CNTNAP4: variants seen among roughly 807,000 people sequenced by gnomAD.
CNTNAP4 encodes the protein contactin associated protein family member 4, also known as contactin-associated protein-like 4.
CNTNAP4 carries 98 observed loss-of-function variants against 148.4 expected under a neutral mutation model. That is an observed-to-expected ratio of 0.66 (90% CI 0.56 to 0.78). CNTNAP4 has a LOEUF of 0.78. Ranked by LOEUF, CNTNAP4 falls within the 30% of genes least tolerant of loss-of-function variation. CNTNAP4 has a pLI of 0.00. For missense variants in CNTNAP4, 1,935 were observed against 1,565.6 expected (o/e 1.24, Z -3.98); for synonymous variants, 730 against 565.1 (o/e 1.29, Z -4.14).
chr16:76,435,547 A>G (rs1239657741), intron 4 of CNTNAP4, among the ~76,000 whole-genome samples: 1 of 152,104 alleles, frequency 6.6e-6, no homozygotes, highest in Non-Finnish European at 1.5e-5. Flanking sequence ...GGGAAGAGCA[A>G]TTGTAGGGCT....
At chr16:76,350,387 T>A (rs141591847) in intron 2 of CNTNAP4, among the ~76,000 whole-genome samples, 219 of 152,332 alleles carry the variant, frequency 1.4e-3, no homozygotes, top group African/African-American at 4.9e-3. Flanking sequence ...TTCATCTCAC[T>A]AGATAATTTT....
chr16:76,443,872 G>C (rs1488498543), intron 4 of CNTNAP4, among the ~76,000 whole-genome samples: 1 of 152,112 alleles, frequency 6.6e-6, no homozygotes, highest in African/African-American at 2.4e-5. Flanking sequence ...TTGTGGAATA[G>C]TGAAAATAAA....
At chr16:76,489,621 T>C in intron 12 of CNTNAP4, 65 bp from the exon 13 acceptor site, 1 of 889,892 alleles carries the variant, frequency 1.1e-6, no homozygotes, top group South Asian at 3.5e-5. Flanking sequence ...ATTTTCTTTA[T>C]TTATTTTAAC....
At chr16:76,430,393 A>G (rs1180792149) in intron 4 of CNTNAP4, among the ~76,000 whole-genome samples, 2 of 152,168 alleles carry the variant, frequency 1.3e-5, no homozygotes, top group Non-Finnish European at 2.9e-5. Context: ...CCCTGCCCTC[A>G]GAAGGAAGGG....
intron 2 of CNTNAP4, among the ~76,000 whole-genome samples, chr16:76,338,801 T>G (rs1964229726): frequency 1.3e-5 from 2 of 152,174 alleles, no homozygotes; most frequent in African/African-American, 2.4e-5. Flanking sequence ...CTCAGTCTCT[T>G]CATGTTTAAG....
At chr16:76,427,185 A>G (rs1462486438) in intron 3 of CNTNAP4, among the ~76,000 whole-genome samples, 2 of 152,168 alleles carry the variant, frequency 1.3e-5, no homozygotes, top group Non-Finnish European at 2.9e-5. Context: ...TTACAGAAGC[A>G]ATTTTTGTTA....
intron 15 of CNTNAP4, among the ~76,000 whole-genome samples, chr16:76,503,682 C>T (rs1200154009): frequency 6.6e-6 from 1 of 151,858 alleles, no homozygotes; most frequent in Admixed American, 6.6e-5. Flanking sequence ...TCCCCCTTCC[C>T]CCCACCCCAC....
chr16:76,489,393 A>G (rs982601245), intron 12 of CNTNAP4, among the ~76,000 whole-genome samples: 2 of 152,200 alleles, frequency 1.3e-5, no homozygotes, highest in African/African-American at 4.8e-5. Flanking sequence ...TCACAAAAAT[A>G]ATCAGATTTC....
At chr16:76,360,567 A>C (rs879820167) in intron 3 of CNTNAP4, among the ~76,000 whole-genome samples, 3 of 152,216 alleles carry the variant, frequency 2.0e-5, no homozygotes, top group Non-Finnish European at 4.4e-5. Flanking sequence ...ACTAACGCCA[A>C]GTGTGTGAAC....
rs562277788 is a variant in CNTNAP4 at position 76,296,317 on chromosome 16, C to T, written c.85+18570C>T. Among the ~76,000 whole-genome samples, 3 of 152,214 alleles carry T rather than the reference C, an allele frequency of 2.0e-5. No individual in the cohort carries two copies. In the East Asian group the frequency reaches 5.8e-4, roughly 29 times the overall value. On this transcript the variant is annotated intron_variant, in intron 1 of 23. Transcript: ENST00000611870. Reference sequence around the variant, plus strand: ...TCCTGCCTTCCATTCAAATACCTACCTCCACCCCACCCATTTGACTTAAAT... The same window carrying T: ...TCCTGCCTTCCATTCAAATACCTACTTCCACCCCACCCATTTGACTTAAAT...
intron 3 of CNTNAP4, among the ~76,000 whole-genome samples, chr16:76,412,505 A>G (rs952469472): frequency 1.3e-5 from 2 of 151,410 alleles, no homozygotes; most frequent in African/African-American, 4.8e-5. Flanking sequence ...CACATTCTTG[A>G]AAACACTTGG....
chr16:76,460,459 C>A (rs1215598463), intron 8 of CNTNAP4, among the ~76,000 whole-genome samples: 1 of 150,610 alleles, frequency 6.6e-6, no homozygotes, highest in Non-Finnish European at 1.5e-5. Flanking sequence ...CCTTCCCATA[C>A]TTACATAAGA....
chr16:76,536,270 A>C (rs1330434811), intron 18 of CNTNAP4, among the ~76,000 whole-genome samples: 2 of 151,960 alleles, frequency 1.3e-5, no homozygotes, highest in Admixed American at 1.3e-4. Flanking sequence ...ATCTCGGCTC[A>C]CTGCAACCTC....
chr16:76,461,303 G>A (rs765878031), intron 8 of CNTNAP4, among the ~76,000 whole-genome samples: 10 of 152,122 alleles, frequency 6.6e-5, no homozygotes, highest in African/African-American at 1.2e-4. Flanking sequence ...GGACAGGGCC[G>A]CTTAAGGTCT....
chr16:76,316,123 A>G, intron 1 of CNTNAP4: 1 of 457,114 alleles, frequency 2.2e-6, no homozygotes, highest in Non-Finnish European at 3.8e-6. Flanking sequence ...ATACAGTTAA[A>G]TTTGTGAATC....
At chr16:76,542,212 T>G (rs937859847) in intron 21 of CNTNAP4, among the ~76,000 whole-genome samples, 9 of 152,186 alleles carry the variant, frequency 5.9e-5, no homozygotes, top group African/African-American at 2.2e-4. Context: ...TTATTTCATA[T>G]TTAGTATTGG....
intron 1 of CNTNAP4, among the ~76,000 whole-genome samples, chr16:76,279,698 T>C (rs926614630): frequency 2.0e-5 from 3 of 152,236 alleles, no homozygotes; most frequent in African/African-American, 7.2e-5. Flanking sequence ...TGGAGTTGAC[T>C]GTTCTTCAAG....
rs1301285370 is a variant in CNTNAP4 at position 76,467,533 on chromosome 16, A to G, written c.1655+10A>G. 6.3e-7 allele frequency: 1 copy of G among 1,576,032 alleles called. No individual in the cohort carries two copies. The highest frequency in any genetic ancestry group is 1.9e-5 in the Admixed American group (1 of 51,722). ...GTGGCATCTCAGACAGGTAAGGGCA[A>G]TCTCACTTCATTTTGACCTGCTTTC... is the stretch of plus-strand genomic sequence containing the variant. On this transcript the variant is annotated intron_variant, in intron 10 of 23. Transcript: ENST00000611870.
At chr16:76,436,452 G>C (rs2145113165) in intron 4 of CNTNAP4, among the ~76,000 whole-genome samples, 1 of 149,928 alleles carries the variant, frequency 6.7e-6, no homozygotes, top group South Asian at 2.1e-4. Context: ...CCACTCACAT[G>C]ATAAGAGCTC....
Sources: allele counts gnomAD v4.1 joint callset (sites outside exome capture counted in the v4.1 genomes callset), GRCh38; gene constraint gnomAD v4.1.1; transcripts MANE v1.5; gene names NCBI Gene and HGNC (gene_info 2026-07-23, HGNC 2026-07-21).